Variants in AGBL4 observed in about 807,000 individuals in gnomAD.
The protein encoded by AGBL4 is cytosolic carboxypeptidase 6.
A neutral mutation model predicts 66.4 loss-of-function variants in AGBL4; 58 were observed. The ratio of observed to expected loss-of-function variants is 0.87; its 90% CI spans 0.71 to 1.09. The LOEUF is 1.09. Among genes scored for constraint, AGBL4 ranks in the 50% least tolerant of loss-of-function variants. The pLI, the probability that AGBL4 is intolerant of heterozygous loss-of-function variation, is 0.00. For synonymous variants in AGBL4, 234 were observed against 222.9 expected (o/e 1.05, Z -0.44); for missense variants, 579 against 631.0 (o/e 0.92, Z 0.88).
At chr1:48,657,219 T>C (rs1234075148) in intron 7 of AGBL4, among the ~76,000 whole-genome samples, 1 of 152,182 alleles carries the variant, frequency 6.6e-6, no homozygotes, top group East Asian at 1.9e-4. Flanking sequence ...GAATTACTTG[T>C]GGGTTCTTGT....
At chr1:49,383,423 AG>A (rs1644665419) in intron 3 of AGBL4, among the ~76,000 whole-genome samples, 1 of 152,226 alleles carries the variant, frequency 6.6e-6, no homozygotes, top group African/African-American at 2.4e-5. Flanking sequence ...TGATGAACAC[AG>A]TATGATACTA....
chr1:49,688,404 A>C (rs1646825506), intron 3 of AGBL4, among the ~76,000 whole-genome samples: 1 of 152,174 alleles, frequency 6.6e-6, no homozygotes, highest in Admixed American at 6.5e-5. Flanking sequence ...TGCCAATGAA[A>C]GGATCTCGTT....
the AGBL4 span, among the ~76,000 whole-genome samples, chr1:48,526,129 A>C: frequency 2.0e-5 from 3 of 152,192 alleles, no homozygotes; most frequent in Non-Finnish European, 4.4e-5. Flanking sequence ...GACTCAGGGG[A>C]ATCAGGCAAA....
intron 3 of AGBL4, among the ~76,000 whole-genome samples, chr1:49,396,065 T>C (rs1644967894): frequency 6.6e-6 from 1 of 151,516 alleles, no homozygotes; most frequent in Non-Finnish European, 1.5e-5. Flanking sequence ...ATAGCTGTCC[T>C]TGTGCTGCAT....
intron 1 of AGBL4, among the ~76,000 whole-genome samples, chr1:49,855,623 C>G (rs1319166875): frequency 6.6e-6 from 1 of 152,016 alleles, no homozygotes; most frequent in Non-Finnish European, 1.5e-5. Flanking sequence ...TAAAAATAGA[C>G]AGCAATTAAA....
chr1:49,486,361 C>T (rs971460594), intron 3 of AGBL4, among the ~76,000 whole-genome samples: 3 of 151,894 alleles, frequency 2.0e-5, no homozygotes, highest in African/African-American at 4.8e-5. Context: ...AGAACCAGTA[C>T]CTAGCATACA....
chr1:49,390,939 A>G (rs540082195), intron 3 of AGBL4, among the ~76,000 whole-genome samples: 3 of 152,318 alleles, frequency 2.0e-5, no homozygotes, highest in East Asian at 3.9e-4. Context: ...TGCAGTATCA[A>G]AAAGGCCCTT....
At chr1:49,663,459 A>G (rs763101251) in intron 3 of AGBL4, among the ~76,000 whole-genome samples, 1 of 152,188 alleles carries the variant, frequency 6.6e-6, no homozygotes, top group Non-Finnish European at 1.5e-5. Flanking sequence ...AGGCTTTGCA[A>G]TATGAGACTA....
At chr1:49,912,212 G>A (rs944436147) in intron 1 of AGBL4, among the ~76,000 whole-genome samples, 4 of 152,118 alleles carry the variant, frequency 2.6e-5, no homozygotes, top group Admixed American at 6.5e-5. Context: ...TCTGTGCAGG[G>A]ACTTGCGAGG....
At chr1:49,478,913 A>G (rs1646899158) in intron 3 of AGBL4, among the ~76,000 whole-genome samples, 2 of 152,090 alleles carry the variant, frequency 1.3e-5, no homozygotes, top group African/African-American at 4.8e-5. Flanking sequence ...TTAAGTTGTT[A>G]TCGGCTTATA....
At chr1:48,855,208 C>T (rs776863259) in intron 6 of AGBL4, among the ~76,000 whole-genome samples, 8 of 152,146 alleles carry the variant, frequency 5.3e-5, no homozygotes, top group African/African-American at 9.7e-5. Flanking sequence ...TGGTGCCTTG[C>T]GATGCCCTAC....
chr1:49,404,489 G>A (rs1557908978), intron 3 of AGBL4, among the ~76,000 whole-genome samples: 1 of 152,232 alleles, frequency 6.6e-6, no homozygotes, highest in Admixed American at 6.5e-5. Context: ...AGCCAGAGCA[G>A]ACAGATACAT....
intron 2 of AGBL4, among the ~76,000 whole-genome samples, chr1:49,772,488 T>C (rs1016155667): frequency 2.0e-5 from 3 of 152,168 alleles, no homozygotes; most frequent in African/African-American, 7.2e-5. Context: ...GCTTTCATGA[T>C]ATTAATTACT....
intron 6 of AGBL4, among the ~76,000 whole-genome samples, chr1:48,711,852 T>C (rs1023779209): frequency 3.3e-5 from 5 of 152,168 alleles, no homozygotes; most frequent in African/African-American, 7.2e-5. Flanking sequence ...GCTTCCAGCC[T>C]GTCCTGTTCC....
chr1:48,930,603 A>G (rs1654957654), intron 5 of AGBL4, among the ~76,000 whole-genome samples: 1 of 152,186 alleles, frequency 6.6e-6, no homozygotes, highest in Non-Finnish European at 1.5e-5. Context: ...CCTTGGGCAG[A>G]TCCTCTTCCA....
chr1:49,191,087 T>C (rs1466208427), intron 4 of AGBL4, among the ~76,000 whole-genome samples: 2 of 152,174 alleles, frequency 1.3e-5, no homozygotes, highest in South Asian at 2.1e-4. Context: ...CAGAGATGAA[T>C]CAGAAACAGC....
chr1:49,069,779 G>C (rs1004032224), intron 4 of AGBL4, among the ~76,000 whole-genome samples: 1 of 151,934 alleles, frequency 6.6e-6, no homozygotes, highest in African/African-American at 2.4e-5. Context: ...AAAGTCAGTG[G>C]TAGCCTGATG....
At chr1:49,882,612 T>C (rs569239950) in intron 1 of AGBL4, among the ~76,000 whole-genome samples, 1 of 152,328 alleles carries the variant, frequency 6.6e-6, no homozygotes, top group South Asian at 2.1e-4. Flanking sequence ...ACATCCATTG[T>C]AAGTTGGATT....
In AGBL4 at chr1:48,692,163, G is replaced by A. The variant is rs923581152; in HGVS notation, c.635-28922C>T. Reference sequence around the variant, plus strand: ...CTAAGAGGGAGGAAGGAGAGAGGAAGTAGAGATACAGGGGGAAGGGTGTGA... The same window carrying A: ...CTAAGAGGGAGGAAGGAGAGAGGAAATAGAGATACAGGGGGAAGGGTGTGA... On this transcript the variant is annotated intron_variant, in intron 6 of 13. Transcript: ENST00000371839. Among the ~76,000 whole-genome samples, 10 of 152,200 alleles carry A rather than the reference G, an allele frequency of 6.6e-5. 1 individual carries two copies. The highest frequency in any genetic ancestry group is 6.5e-4 in the Admixed American group (10 of 15,288).
Sources: gnomAD v4.1 joint callset for allele counts (sites outside exome capture counted in the v4.1 genomes callset) on GRCh38, gnomAD v4.1.1 for gene constraint, MANE v1.5 for transcripts, NCBI Gene and HGNC (gene_info 2026-07-23, HGNC 2026-07-21) for gene names.